The following LAMA4 variants were observed in gnomAD, a reference collection of about 807,000 sequenced individuals.
LAMA4 encodes laminin subunit alpha 4, also known as laminin subunit alpha-4.
A neutral mutation model predicts 207.1 loss-of-function variants in LAMA4; 127 were observed. The ratio of observed to expected loss-of-function variants is 0.61; its 90% CI spans 0.53 to 0.71. The LOEUF is 0.71. Ranked by LOEUF, LAMA4 falls within the 30% of genes least tolerant of loss-of-function variation. The probability of loss-of-function intolerance (pLI) is 0.00; values close to 1 mark genes in which losing one functional copy is unlikely to be tolerated. For synonymous variants in LAMA4, 761 were observed against 816.0 expected (o/e 0.93, Z 1.15); for missense variants, 2,093 against 2,246.5 (o/e 0.93, Z 1.38).
rs1415038509 is a variant in LAMA4, at chr6:112,216,426, A to G, written c.239T>C (p.Val80Ala). Residue 80 changes from valine (V) to alanine (A), a missense_variant, in exon 3 of 39, where the codon GTG (valine) becomes GCG (alanine). By Grantham distance (64) the Val-to-Ala change is moderately conservative. Coordinates refer to ENST00000230538, the MANE Select transcript of LAMA4 (RefSeq NM_001105206.3). ...GGAATTGCCATTACAGTCGCAGGGC[A>G]CACATTCTCCCGACAGGGTGTGAAA... ...GFFHTLSGEC[V>A]PCDCNGNSNE... The G allele has an allele frequency of 1.4e-5, 22 of 1,614,114 alleles. No individual in the cohort carries two copies. Among genetic ancestry groups the G allele is most frequent in the Non-Finnish European group, 1.9e-5 (22 of 1,179,944 alleles).
intron 24 of LAMA4, among the ~76,000 whole-genome samples, 193 bp downstream of exon 24, chr6:112,138,927 G>A (rs1779513877): frequency 6.6e-6 from 1 of 152,136 alleles, no homozygotes; most frequent in Admixed American, 6.5e-5. Context: ...GTACTGTGGG[G>A]AAATGCATCT....
intron 8 of LAMA4, chr6:112,186,752 A>AT (rs1562708597): frequency 6.7e-6 from 3 of 449,048 alleles, no homozygotes; most frequent in Non-Finnish European, 1.3e-5. Context: ...TTGTTGCATT[A>AT]TTTTTTATTG....
intron 2 of LAMA4, among the ~76,000 whole-genome samples, chr6:112,222,994 T>C (rs560952698): frequency 1.2e-4 from 18 of 152,348 alleles, no homozygotes; most frequent in African/African-American, 4.1e-4. Context: ...TAGAGATTGT[T>C]GCTTATATAA....
At chr6:112,238,483 T>A (rs972604093) in intron 2 of LAMA4, among the ~76,000 whole-genome samples, 1 of 151,702 alleles carries the variant, frequency 6.6e-6, no homozygotes, top group Non-Finnish European at 1.5e-5. Flanking sequence ...GCCGAGACGG[T>A]TGGATCACTT....
intron 3 of LAMA4, among the ~76,000 whole-genome samples, chr6:112,209,250 C>T (rs954427427): frequency 6.6e-5 from 10 of 152,116 alleles, no homozygotes; most frequent in Non-Finnish European, 1.0e-4. Context: ...AGAAAACAGG[C>T]CCATTGTAAG....
At chr6:112,203,891 CT>C (rs1783906107) in intron 4 of LAMA4, among the ~76,000 whole-genome samples, 1 of 152,168 alleles carries the variant, frequency 6.6e-6, no homozygotes, top group Non-Finnish European at 1.5e-5. Context: ...AGCACATTCT[CT>C]AAGTCCCTTC....
chr6:112,202,777 C>T (rs80310126), intron 4 of LAMA4, among the ~76,000 whole-genome samples: 4,649 of 152,262 alleles, frequency 0.031, 229 homozygotes, highest in African/African-American at 0.11. Context: ...TCTTAGCCTA[C>T]TTAAAGAACC....
rs1228529834 is a variant in LAMA4 at position 112,191,826 on chromosome 6, G to C, written c.528C>G (p.Asn176Lys). The C allele has an allele frequency of 2.5e-6, 4 of 1,613,646 alleles. No homozygotes were observed. The African/African-American group carries it at 5.3e-5, about 22-fold the overall frequency. The stretch of plus-strand genomic sequence containing the variant: ...TACAGGTGCTTCCAATGAGTAAGGG[G>C]TTTCCATAGTAACCGGGAGCACATC... ...CERCAPGYYGNPLLIGSTCKK... is the reference protein window; with the variant it reads ...CERCAPGYYGKPLLIGSTCKK... The change falls in exon 6 of 39, where the codon AAC (asparagine) becomes AAG (lysine). Residue 176 changes from asparagine to lysine, a missense_variant. Coordinates refer to ENST00000230538, the MANE Select transcript of LAMA4 (RefSeq NM_001105206.3).
At chr6:112,240,072 A>G (rs1029729969) in intron 2 of LAMA4, among the ~76,000 whole-genome samples, 2 of 152,152 alleles carry the variant, frequency 1.3e-5, no homozygotes, top group African/African-American at 4.8e-5. Flanking sequence ...ACAAAAAAAA[A>G]GTCTGACTTT....
chr6:112,166,799 T>C (rs971403), intron 12 of LAMA4, among the ~76,000 whole-genome samples: 63,798 of 152,106 alleles, frequency 0.42, 15,421 homozygotes, highest in Middle Eastern at 0.67. Flanking sequence ...TGTTGAAAAC[T>C]GATAATTATG....
At chr6:112,127,092 T>A (rs1778739181) in intron 31 of LAMA4, among the ~76,000 whole-genome samples, 1 of 152,174 alleles carries the variant, frequency 6.6e-6, no homozygotes, top group Non-Finnish European at 1.5e-5. Flanking sequence ...GTTACAACCC[T>A]ATGATGCAGA....
chr6:112,124,422 T>C (rs1554326939), intron 31 of LAMA4, among the ~76,000 whole-genome samples: 14 of 152,244 alleles, frequency 9.2e-5, no homozygotes. Context: ...GGTGTCTTTA[T>C]ATATGGCAAC....
chr6:112,251,170 T>G (rs1554189776), intron 2 of LAMA4: 7 of 152,200 alleles, frequency 4.6e-5, no homozygotes, highest in Non-Finnish European at 2.9e-5. Context: ...TTTCAAATAC[T>G]TTGCATCTGG....
chr6:112,155,415 G>A (rs1180562362), intron 15 of LAMA4, 150 bp downstream of exon 15: 3 of 777,440 alleles, frequency 3.9e-6, no homozygotes, highest in Non-Finnish European at 6.5e-6. Context: ...AACCTTCAAG[G>A]CATTCATGAA....
At chr6:112,243,621 A>G (rs1261242985) in intron 2 of LAMA4, among the ~76,000 whole-genome samples, 1 of 152,118 alleles carries the variant, frequency 6.6e-6, no homozygotes, top group Non-Finnish European at 1.5e-5. Flanking sequence ...GTCTAGCTCT[A>G]CTCAGCTCCA....
intron 2 of LAMA4, among the ~76,000 whole-genome samples, chr6:112,226,568 T>C (rs1357896009): frequency 6.6e-6 from 1 of 152,222 alleles, no homozygotes; most frequent in East Asian, 1.9e-4. Flanking sequence ...TAAATTTTAA[T>C]TTATACTCTT....
At chr6:112,243,546 T>C (rs1300741171) in intron 2 of LAMA4, among the ~76,000 whole-genome samples, 2 of 152,116 alleles carry the variant, frequency 1.3e-5, no homozygotes, top group African/African-American at 4.8e-5. Flanking sequence ...CCAGGTTTCT[T>C]TACCTGGCAA....
chr6:112,159,841 AAG>A (rs1253404340), intron 13 of LAMA4, among the ~76,000 whole-genome samples: 1 of 152,144 alleles, frequency 6.6e-6, no homozygotes, highest in African/African-American at 2.4e-5. Flanking sequence ...TAAATTTGGG[AAG>A]AATAACTCTA....
chr6:112,220,739 A>T (rs1784879878), intron 2 of LAMA4, among the ~76,000 whole-genome samples: 1 of 152,188 alleles, frequency 6.6e-6, no homozygotes, highest in Admixed American at 6.5e-5. Flanking sequence ...ATTGGATATA[A>T]CATTTTAAAC....
Sources: allele counts gnomAD v4.1 joint callset (sites outside exome capture counted in the v4.1 genomes callset), GRCh38; gene constraint gnomAD v4.1.1; transcripts MANE v1.5; gene names NCBI Gene and HGNC (gene_info 2026-07-23, HGNC 2026-07-21).